MVK: variants seen among roughly 807,000 people sequenced by gnomAD.
MVK encodes the protein mevalonate kinase.
Under a neutral mutation model 43.2 loss-of-function variants are expected in MVK, and 34 were observed. That is an observed-to-expected ratio of 0.79 (90% confidence interval 0.60 to 1.05). The LOEUF (loss-of-function observed/expected upper bound fraction) is 1.05. Among genes scored for constraint, MVK ranks in the 50% least tolerant of loss-of-function variants. The pLI, the probability that MVK is intolerant of heterozygous loss-of-function variation, is 0.00. For missense variants in MVK, 395 were observed against 504.0 expected (o/e 0.78, Z 2.07); for synonymous variants, 190 against 219.8 (o/e 0.86, Z 1.20).
intron 5 of MVK, among the ~76,000 whole-genome samples, chr12:109,585,228 A>G (rs1233260795): frequency 6.6e-6 from 1 of 152,120 alleles, no homozygotes; most frequent in African/African-American, 2.4e-5. Flanking sequence ...ATTCATAATG[A>G]TCGTGCTTTG....
At chr12:109,591,602 T>C (rs1215441981) in intron 9 of MVK, among the ~76,000 whole-genome samples, 2 of 152,200 alleles carry the variant, frequency 1.3e-5, no homozygotes, top group African/African-American at 4.8e-5. Context: ...AGGGCCTGGC[T>C]CGTGCTAAGT....
chr12:109,579,472 G>T (rs146228564), intron 3 of MVK, among the ~76,000 whole-genome samples: 4 of 152,264 alleles, frequency 2.6e-5, no homozygotes, highest in African/African-American at 9.6e-5. Context: ...CTTACTACAT[G>T]CCAGGTGCTG....
chr12:109,593,050 A>C (rs890957233), intron 9 of MVK, among the ~76,000 whole-genome samples: 2 of 152,214 alleles, frequency 1.3e-5, no homozygotes, highest in South Asian at 2.1e-4. Context: ...ACAGCTTTGC[A>C]CTCAAACCAG....
rs34975996 is a variant in MVK, at chr12:109,591,252, C to T, written c.780C>T (p.Ile260=). The T allele has an allele frequency of 3.4e-5, 55 of 1,614,086 alleles. No individual in the cohort carries two copies. Among genetic ancestry groups the T allele is most frequent in the African/African-American group, 4.0e-5 (3 of 74,940 alleles). Residue 260 remains isoleucine, a synonymous_variant, in exon 9 of 11, where the codon ATC becomes ATT. Coordinates refer to ENST00000228510, the MANE Select transcript of MVK (RefSeq NM_000431.4). ...VRNRLLKFPE[I]VAPLLTSIDA... ...CTTTTTTTCTCCAGTTCCCAGAGAT[C>T]GTGGCCCCCCTCCTGACCTCAATAG...
At chr12:109,593,919 T>C (rs1885800581) in intron 9 of MVK, among the ~76,000 whole-genome samples, 1 of 151,782 alleles carries the variant, frequency 6.6e-6, no homozygotes, top group Non-Finnish European at 1.5e-5. Flanking sequence ...GGTTTCGCCA[T>C]GTTGGCCAGG....
Position 109,575,985 on chromosome 12 carries a change from A to G in MVK, c.79-13A>G. 3.1e-6 allele frequency: 5 copies of G among 1,614,012 alleles called. No homozygotes were observed. The highest frequency in any genetic ancestry group is 1.3e-5 in the African/African-American group (1 of 74,988). On this transcript the variant is annotated splice_polypyrimidine_tract_variant and intron_variant, in intron 2 of 10. Coordinates refer to ENST00000228510, the MANE Select transcript of MVK (RefSeq NM_000431.4). ...CACCCTCAGGCTTATTGCTTTTGTC[A>G]TTTATTCTATAGGTAGCACTGGCTG...
At chr12:109,592,805 C>T (rs1207766646) in intron 9 of MVK, among the ~76,000 whole-genome samples, 2 of 152,204 alleles carry the variant, frequency 1.3e-5, no homozygotes, top group Non-Finnish European at 2.9e-5. Context: ...GCGCCTCCAT[C>T]GAATTCCTGT....
At position 109,576,122 on chromosome 12, in the gene MVK, A is replaced by G. The variant is rs765344836; in HGVS notation, c.203A>G (p.Gln68Arg). The change falls in exon 3 of 11, where the codon CAG becomes CGG. Residue 68 changes from glutamine (Q) to arginine (R), a missense_variant. Gln to Arg is a conservative substitution (Grantham distance 43). Transcript: ENST00000228510. ...CGGGCCTGGGATGTGGCCAGGCTTC[A>G]GTCACTGGACACAAGCTTTCTGGGT... ...IKRAWDVARL[Q>R]SLDTSFLEQG... 4 of 1,614,092 alleles carry G rather than the reference A, an allele frequency of 2.5e-6. No individual in the cohort carries two copies. In the South Asian group the frequency reaches 3.3e-5, roughly 13 times the overall value.
chr12:109,581,592 C>G (rs760185908), intron 5 of MVK, 42 bp downstream of exon 5: 29 of 1,613,582 alleles, frequency 1.8e-5, no homozygotes, highest in African/African-American at 2.7e-5. Context: ...TCCCGCACGG[C>G]AGGACAGGGA....
At position 109,596,655 on chromosome 12, in the gene MVK, T is replaced by G. The variant is rs936876428; in HGVS notation, c.*78T>G. On this transcript the variant is annotated 3_prime_UTR_variant, in exon 11 of 11. Coordinates refer to ENST00000228510, the MANE Select transcript of MVK (RefSeq NM_000431.4). The stretch of plus-strand genomic sequence containing the variant: ...TGGGGGCTGCAGTTCGACTCTGTGC[T>G]GGCCAGCGAGCGCCCAGCTCCTGAC... 1.9e-6 allele frequency: 3 copies of G among 1,567,566 alleles called. No individual in the cohort carries two copies. The African/African-American group carries it at 4.1e-5, about 21-fold the overall frequency.
At position 109,577,388 on chromosome 12, in the gene MVK, A is replaced by T. The variant is rs531055270; in HGVS notation, c.226+1243A>T. ...TTTTTGGGTTTTTTCCTTACACTGC[A>T]CCTGAACCCTTGACACCTGCTTCCC... On this transcript the variant is annotated intron_variant, in intron 3 of 10. Transcript: ENST00000228510. Among the ~76,000 whole-genome samples the T allele has an allele frequency of 1.0e-3, 159 of 152,226 alleles. 1 individual carries two copies. The highest frequency in any genetic ancestry group is 3.5e-3 in the African/African-American group (144 of 41,512).
intron 2 of MVK, among the ~76,000 whole-genome samples, chr12:109,575,344 C>A (rs1746860082): frequency 6.6e-6 from 1 of 152,024 alleles, no homozygotes; most frequent in African/African-American, 2.4e-5. Context: ...GAAGTGGTAA[C>A]TTGATCCAAG....
At chr12:109,578,954 G>A (rs976386972) in intron 3 of MVK, among the ~76,000 whole-genome samples, 3 of 152,132 alleles carry the variant, frequency 2.0e-5, no homozygotes, top group Admixed American at 6.5e-5. Context: ...GCACCGCCTC[G>A]CATTTACACT....
chr12:109,580,792 G>A (rs539753815), intron 4 of MVK, among the ~76,000 whole-genome samples: 2 of 152,308 alleles, frequency 1.3e-5, no homozygotes, highest in Non-Finnish European at 2.9e-5. Flanking sequence ...GACCTTTCTG[G>A]TGATCAAAAG....
intron 4 of MVK, among the ~76,000 whole-genome samples, 155 bp downstream of exon 4, chr12:109,580,101 G>A (rs371739464): frequency 2.6e-5 from 4 of 152,296 alleles, no homozygotes; most frequent in South Asian, 2.1e-4. Flanking sequence ...GCCAGGCACG[G>A]TATATATGGC....
In MVK at chr12:109,581,626, C is replaced by T. The variant is rs1885224559; in HGVS notation, c.527+76C>T. The T allele has an allele frequency of 2.5e-6, 4 of 1,597,950 alleles. No homozygotes were observed. In the South Asian group the frequency reaches 4.4e-5, roughly 18 times the overall value. ...GACGTGGCTTCTCTCACTGAGACCTCACCACCTCCCTGTGAGGTGAGAGGT... is the reference window on the plus strand; with the variant it reads ...GACGTGGCTTCTCTCACTGAGACCTTACCACCTCCCTGTGAGGTGAGAGGT... On this transcript the variant is annotated intron_variant, in intron 5 of 10. Transcript: ENST00000228510.
chr12:109,588,849 A>G (rs767136917), intron 7 of MVK: 3 of 152,338 alleles, frequency 2.0e-5, no homozygotes, highest in Non-Finnish European at 2.9e-5. Context: ...GTGAGAGCAT[A>G]TCAGGCAGTC....
In MVK at chr12:109,596,651, G is replaced by C. The variant is rs182872791; in HGVS notation, c.*74G>C. ...ATTCTGGGGGCTGCAGTTCGACTCT[G>C]TGCTGGCCAGCGAGCGCCCAGCTCC... On this transcript the variant is annotated 3_prime_UTR_variant, in exon 11 of 11. Transcript: ENST00000228510. The C allele has an allele frequency of 2.5e-6, 4 of 1,573,070 alleles. No individual in the cohort carries two copies. The highest frequency in any genetic ancestry group is 2.7e-5 in the African/African-American group (2 of 74,294).
intron 5 of MVK, among the ~76,000 whole-genome samples, chr12:109,581,978 G>T (rs1307633303): frequency 6.6e-6 from 1 of 152,330 alleles, no homozygotes; most frequent in East Asian, 1.9e-4. Context: ...TTACCACATG[G>T]TTATGAAAGA....
Sources: gnomAD v4.1 joint callset for allele counts (sites outside exome capture counted in the v4.1 genomes callset) on GRCh38, gnomAD v4.1.1 for gene constraint, MANE v1.5 for transcripts, NCBI Gene and HGNC (gene_info 2026-07-23, HGNC 2026-07-21) for gene names.